CPZ: variants seen among roughly 807,000 people sequenced by gnomAD.
CPZ encodes the protein carboxypeptidase Z, also known as VEZT/CPZ fusion.
A neutral mutation model predicts 61.8 loss-of-function variants in CPZ; 103 were observed. That is an observed-to-expected ratio of 1.67 (90% CI 1.42 to 1.96). CPZ has a LOEUF of 1.96. CPZ is among the 30% of genes most tolerant of loss of function. The pLI, the probability that CPZ is intolerant of heterozygous loss-of-function variation, is 0.00. For synonymous variants in CPZ, 551 were observed against 373.7 expected, an observed-to-expected ratio of 1.47 and a Z score of -5.47; for missense variants, 1,461 against 914.9, an observed-to-expected ratio of 1.60 and a Z score of -7.70.
chr4:8,607,369 G>T lies in CPZ; in HGVS notation c.1171G>T (p.Asp391Tyr). ...CGACCTGGTGGTGTCCTACCCCTTCGACTTCTCCAAGCACCCCCAGGAGGA... is the reference window on the plus strand; with the variant it reads ...CGACCTGGTGGTGTCCTACCCCTTCTACTTCTCCAAGCACCCCCAGGAGGA... Reference protein sequence around the residue: ...GGDLVVSYPFDFSKHPQEEKM... With the variant: ...GGDLVVSYPFYFSKHPQEEKM... The change falls in exon 7 of 11, where the codon GAC (aspartate) becomes TAC (tyrosine). Residue 391 changes from aspartate to tyrosine, a missense_variant. By Grantham distance (160) the Asp-to-Tyr change is radical (BLOSUM62 -3). Transcript: ENST00000360986. 2.5e-6 allele frequency: 4 copies of T among 1,614,072 alleles called. No homozygotes were observed. Among genetic ancestry groups the T allele is most frequent in the Non-Finnish European group, 2.5e-6 (3 of 1,179,976 alleles).
At chr4:8,615,582 G>C (rs190827299) in intron 9 of CPZ, among the ~76,000 whole-genome samples, 22 of 152,354 alleles carry the variant, frequency 1.4e-4, no homozygotes, top group African/African-American at 5.0e-4. Flanking sequence ...TCTGACACCA[G>C]GCCGGGCGGC....
At chr4:8,606,334 C>A in intron 5 of CPZ, 149 bp downstream of exon 5, 2 of 775,754 alleles carry the variant, frequency 2.6e-6, no homozygotes, top group Non-Finnish European at 4.0e-6. Context: ...CAAACCCCTG[C>A]TTCAGGGGCT....
At chr4:8,611,948 C>G (rs1386820401) in intron 7 of CPZ, 79 bp from the exon 8 acceptor site, 1 of 1,602,688 alleles carries the variant, frequency 6.2e-7, no homozygotes. Flanking sequence ...GCACGCGCAG[C>G]TCCTCCCCTC....
chr4:8,615,641 G>C (rs955404108), intron 9 of CPZ, among the ~76,000 whole-genome samples: 3 of 152,148 alleles, frequency 2.0e-5, no homozygotes, highest in Non-Finnish European at 4.4e-5. Context: ...CTGGCCTGGG[G>C]TCTCTGGGCC....
In CPZ at chr4:8,604,030, G is replaced by T. The variant is rs376798665; in HGVS notation, c.551G>T (p.Arg184Leu). ...TCAGGGCTGCCGCCCACCTTCATCC[G>T]CTTCAGCCACCACTCCTACGCCCAG... The part of the protein sequence containing the change: ...LPSGLPPTFI[R>L]FSHHSYAQMV... Residue 184 changes from arginine (R) to leucine (L), a missense_variant, in exon 4 of 11, where the codon CGC (arginine) becomes CTC (leucine). Coordinates refer to ENST00000360986, the MANE Select transcript of CPZ (RefSeq NM_001014447.3). The T allele has an allele frequency of 6.2e-7, 1 of 1,612,054 alleles. No homozygotes were observed. Among genetic ancestry groups the T allele is most frequent in the Non-Finnish European group, 8.5e-7 (1 of 1,179,832 alleles).
At chr4:8,611,299 G>A (rs3796727) in intron 7 of CPZ, 128,148 of 455,798 alleles carry the variant, frequency 0.28, 19,576 homozygotes, top group African/African-American at 0.38. Flanking sequence ...ACGGCCCAGA[G>A]CCCCCACAAA....
intron 3 of CPZ, chr4:8,603,113 A>G (rs1714694882): frequency 6.6e-6 from 1 of 152,250 alleles, no homozygotes. Context: ...TCCCCTGGAG[A>G]ACCGTTTTGA....
intron 1 of CPZ, 45 bp downstream of exon 1, chr4:8,592,966 C>G: frequency 7.1e-7 from 1 of 1,414,170 alleles, no homozygotes; most frequent in Non-Finnish European, 9.6e-7. Context: ...CACCCTGCAA[C>G]CTCTGGGGAG....
intron 10 of CPZ, 39 bp downstream of exon 10, chr4:8,618,567 G>C: frequency 1.3e-6 from 2 of 1,594,382 alleles, no homozygotes; most frequent in South Asian, 1.1e-5. Flanking sequence ...GACCACGTCT[G>C]CCAAGGAAAT....
intron 2 of CPZ, 28 bp downstream of exon 2, chr4:8,599,513 T>C (rs1560290110): frequency 1.2e-6 from 2 of 1,613,062 alleles, no homozygotes; most frequent in Non-Finnish European, 1.7e-6. Flanking sequence ...CCCTGGCTTC[T>C]GTTCTGTAGG....
chr4:8,605,322 TCATCCATCCATC>T lies in CPZ; in HGVS notation c.710-651_710-640del, dbSNP rs6148295. On this transcript the variant is annotated intron_variant, in intron 4 of 10. Transcript: ENST00000360986. ...TTCTTCCTATAGTCCATTCATTTAT[TCATCCATCCATC>T]CATCCATCCATCCATTTATTCATTC... Among the ~76,000 whole-genome samples, 142 of 150,092 alleles carry T rather than the reference TCATCCATCCATC, an allele frequency of 9.5e-4. 1 individual carries two copies. Among genetic ancestry groups the T allele is most frequent in the Non-Finnish European group, 2.2e-4 (15 of 67,568 alleles).
At position 8,614,379 on chromosome 4, in the gene CPZ, C is replaced by T. The variant is rs768384480; in HGVS notation, c.1384C>T (p.Leu462=). ...FTGGMSDFNY[L]HTNCFEITVE... Reference sequence around the variant, plus strand: ...CACAGGCATGTCCGATTTCAACTACCTGCACACCAACTGCTTTGAGATCAC... The same window carrying T: ...CACAGGCATGTCCGATTTCAACTACTTGCACACCAACTGCTTTGAGATCAC... Residue 462 remains leucine (L), a synonymous_variant, in exon 9 of 11, where the codon CTG becomes TTG. Transcript: ENST00000360986. 3 of 1,613,856 alleles carry T rather than the reference C, an allele frequency of 1.9e-6. No homozygotes were observed. Among genetic ancestry groups the T allele is most frequent in the East Asian group, 2.2e-5 (1 of 44,886 alleles).
chr4:8,601,167 T>G lies in CPZ; in HGVS notation c.166T>G (p.Tyr56Asp), dbSNP rs780282373. The G allele has an allele frequency of 8.1e-6, 13 of 1,605,532 alleles. No individual in the cohort carries two copies. Among genetic ancestry groups the G allele is most frequent in the African/African-American group, 1.3e-5 (1 of 74,938 alleles). The change falls in exon 3 of 11, where the codon TAC (tyrosine) becomes GAC (aspartate). Residue 56 changes from tyrosine (Y) to aspartate (D), a missense_variant. By Grantham distance (160) the Tyr-to-Asp change is radical. Transcript: ENST00000360986. ...GCTCAGGACCTGCAGCGATGCCGCC[T>G]ACAACCACACCACCTTCCCCAACCT... ...LQLRTCSDAA[Y>D]NHTTFPNLLQ...
At chr4:8,605,192 G>A (rs1714846586) in intron 4 of CPZ, among the ~76,000 whole-genome samples, 1 of 152,236 alleles carries the variant, frequency 6.6e-6, no homozygotes, top group Admixed American at 6.5e-5. Context: ...CACACAGCTG[G>A]GGAGGGAGAC....
intron 7 of CPZ, 65 bp downstream of exon 7, chr4:8,607,490 G>A (rs1715140431): frequency 2.6e-6 from 4 of 1,559,684 alleles, no homozygotes; most frequent in Non-Finnish European, 3.5e-6. Context: ...TGGAGCTGGT[G>A]CCCCTCCAGT....
At chr4:8,596,143 CCAGGTT>C (rs1352256063) in intron 1 of CPZ, among the ~76,000 whole-genome samples, 1 of 152,234 alleles carries the variant, frequency 6.6e-6, no homozygotes, top group African/African-American at 2.4e-5. Flanking sequence ...CCTCCACCTC[CCAGGTT>C]CAAGTGATTC....
intron 4 of CPZ, among the ~76,000 whole-genome samples, chr4:8,605,634 T>TCCATCCATCCACCC (rs1553876826): frequency 1.3e-5 from 2 of 148,570 alleles, no homozygotes; most frequent in African/African-American, 2.6e-5. Context: ...ATCATTGATA[T>TCCATCCATCCACCC]ATCCATTCAT....
At chr4:8,599,225 C>T (rs1465265505) in intron 1 of CPZ, among the ~76,000 whole-genome samples, 8 of 152,246 alleles carry the variant, frequency 5.3e-5, no homozygotes, top group Non-Finnish European at 1.2e-4. Flanking sequence ...TGCTGCCTGT[C>T]TGTCCTTAGG....
At chr4:8,609,047 C>A (rs80126251) in intron 7 of CPZ, among the ~76,000 whole-genome samples, 146 of 28,352 alleles carry the variant, frequency 5.1e-3, no homozygotes, top group African/African-American at 0.019. Context: ...CCATTCACTC[C>A]CTCCCTCCCT....
Sources: gnomAD v4.1 joint callset for allele counts (sites outside exome capture counted in the v4.1 genomes callset) on GRCh38, gnomAD v4.1.1 for gene constraint, MANE v1.5 for transcripts, NCBI Gene and HGNC (gene_info 2026-07-23, HGNC 2026-07-21) for gene names.